CREBBP: variants seen among roughly 807,000 people sequenced by gnomAD.
CREBBP encodes the protein CREB binding lysine acetyltransferase, also known as CREB-binding protein.
Under a neutral mutation model 265.0 loss-of-function variants are expected in CREBBP, and 19 were observed. The ratio of observed to expected loss-of-function variants is 0.07; its 90% CI spans 0.05 to 0.11. The LOEUF (loss-of-function observed/expected upper bound fraction) is 0.11, where lower values mean the gene tolerates loss of function less well. Among genes scored for constraint, CREBBP ranks in the 10% least tolerant of loss-of-function variants. CREBBP has a pLI of 1.00. For missense variants in CREBBP, 2,525 were observed against 3,219.0 expected (o/e 0.78, Z 5.22); for synonymous variants, 1,457 against 1,223.7 (o/e 1.19, Z -3.98).
rs3025693 is a variant in CREBBP, at chr16:3,768,062, G to T, written c.3061-153C>A. Among the ~76,000 whole-genome samples the T allele has an allele frequency of 0.023, 3,236 of 140,872 alleles. 129 individuals carry two copies. The highest frequency in any genetic ancestry group is 0.08 in the African/African-American group (3,076 of 38,460). 92.4% of individuals were successfully genotyped at this position (140,872 alleles called of 152,430 possible). A position where few individuals can be genotyped will look rare whatever the true frequency, so the allele number is the denominator to read the frequency against. On this transcript the variant is annotated intron_variant, in intron 15 of 30. Transcript: ENST00000262367. The stretch of plus-strand genomic sequence containing the variant: ...TGATTCCTCTTCTCTTCCGGAAGAA[G>T]AAATAAAGTACTTGGTGTTCATTAA...
chr16:3,747,448 T>C (rs1198771666), intron 21 of CREBBP, among the ~76,000 whole-genome samples: 1 of 152,176 alleles, frequency 6.6e-6, no homozygotes, highest in Non-Finnish European at 1.5e-5. Context: ...GTAAATGTCA[T>C]CTTGTCCAGG....
At chr16:3,854,638 C>G (rs2054921974) in intron 1 of CREBBP, among the ~76,000 whole-genome samples, 1 of 152,200 alleles carries the variant, frequency 6.6e-6, no homozygotes, top group Non-Finnish European at 1.5e-5. Context: ...ACACCAGATG[C>G]CCCCTACTTT....
intron 3 of CREBBP, among the ~76,000 whole-genome samples, chr16:3,809,412 G>T (rs1185963036): frequency 1.3e-5 from 2 of 152,134 alleles, no homozygotes; most frequent in Non-Finnish European, 2.9e-5. Context: ...TCCTGACCTA[G>T]TGATCCACCC....
At chr16:3,767,998 A>T in intron 15 of CREBBP, 89 bp from the exon 16 acceptor site, 1 of 1,311,322 alleles carries the variant, frequency 7.6e-7, no homozygotes, top group South Asian at 1.2e-5. Context: ...AGCCTAAAAC[A>T]GGTTTGTTAA....
chr16:3,814,033 T>G (rs2053986373), intron 2 of CREBBP, among the ~76,000 whole-genome samples: 1 of 152,176 alleles, frequency 6.6e-6, no homozygotes, highest in Non-Finnish European at 1.5e-5. Flanking sequence ...TTCAGAAAGT[T>G]TATTTCCAAA....
At chr16:3,751,545 T>A (rs578186352) in intron 20 of CREBBP, among the ~76,000 whole-genome samples, 181 bp downstream of exon 20, 20 of 152,306 alleles carry the variant, frequency 1.3e-4, no homozygotes, top group African/African-American at 4.6e-4. Context: ...TGAGTCGAGA[T>A]AGTGCCACTG....
chr16:3,738,556 C>T lies in CREBBP; in HGVS notation c.4394+3G>A, dbSNP rs2151333973. 4 of 1,567,684 alleles carry T rather than the reference C, an allele frequency of 2.6e-6. No homozygotes were observed. The highest frequency in any genetic ancestry group is 3.5e-6 in the Non-Finnish European group (4 of 1,137,810). ...AGTTCCAAATAATTTAATCCAAACT[C>T]ACCCTAATTTCTTCACATACTCTAA... On this transcript the variant is annotated splice_donor_region_variant and intron_variant, in intron 26 of 30. Coordinates refer to ENST00000262367, the MANE Select transcript of CREBBP (RefSeq NM_004380.3).
chr16:3,757,074 T>C (rs567968405), intron 19 of CREBBP, among the ~76,000 whole-genome samples: 44 of 152,198 alleles, frequency 2.9e-4, no homozygotes, highest in Non-Finnish European at 6.0e-4. Flanking sequence ...GGTTTCTCTA[T>C]GTCGCCAAGG....
rs1217572849 is a variant in CREBBP at position 3,738,643 on chromosome 16, A to G, written c.4310T>C (p.Ile1437Thr). 1 of 1,613,666 alleles carries G rather than the reference A, an allele frequency of 6.2e-7. No homozygotes were observed. Residue 1437 changes from isoleucine to threonine, a missense_variant, in exon 26 of 31, where the codon ATT becomes ACT. Physicochemically the swap from Ile to Thr is moderately conservative, Grantham distance 89 (BLOSUM62 -1). Coordinates refer to ENST00000262367, the MANE Select transcript of CREBBP (RefSeq NM_004380.3). The part of the protein sequence containing the change: ...RRVYISYLDS[I>T]HFFRPRCLRT... ...GAGGCAACGTGGCCGGAAGAAATGA[A>G]TACTATCCAGATAAGAAATGTACAC... is the stretch of plus-strand genomic sequence containing the variant.
intron 2 of CREBBP, among the ~76,000 whole-genome samples, chr16:3,823,622 G>A (rs1173882699): frequency 6.6e-6 from 1 of 152,108 alleles, no homozygotes; most frequent in Non-Finnish European, 1.5e-5. Context: ...GACATCCCAC[G>A]TTTGGCTCTT....
At chr16:3,768,090 C>T (rs1390643549) in intron 15 of CREBBP, among the ~76,000 whole-genome samples, 181 bp from the exon 16 acceptor site, 2 of 144,014 alleles carry the variant, frequency 1.4e-5, no homozygotes, top group East Asian at 2.1e-4. Context: ...TTCATTAAGT[C>T]GCTTCAGCAC....
chr16:3,734,105 C>G (rs2051989485), intron 28 of CREBBP, among the ~76,000 whole-genome samples: 1 of 152,176 alleles, frequency 6.6e-6, no homozygotes, highest in South Asian at 2.1e-4. Flanking sequence ...TTGCGACATT[C>G]CTCACGAAGC....
At chr16:3,803,398 G>C (rs950959968) in intron 3 of CREBBP, among the ~76,000 whole-genome samples, 2 of 151,364 alleles carry the variant, frequency 1.3e-5, no homozygotes, top group African/African-American at 2.4e-5. Flanking sequence ...CCAACTACTC[G>C]GAAGGCTGAG....
chr16:3,792,788 G>A (rs773623467), intron 4 of CREBBP, among the ~76,000 whole-genome samples: 3 of 152,220 alleles, frequency 2.0e-5, no homozygotes, highest in Admixed American at 6.5e-5. Flanking sequence ...CACTTCCTTC[G>A]GTAGAAATGA....
chr16:3,832,085 G>A (rs368536254), intron 2 of CREBBP, among the ~76,000 whole-genome samples: 2 of 151,746 alleles, frequency 1.3e-5, no homozygotes, highest in East Asian at 1.9e-4. Flanking sequence ...ACTTAAAATG[G>A]ATATATTACT....
chr16:3,821,837 C>CT (rs1255933852), intron 2 of CREBBP, among the ~76,000 whole-genome samples: 2 of 152,172 alleles, frequency 1.3e-5, no homozygotes, highest in African/African-American at 4.8e-5. Context: ...GGAGACCCGC[C>CT]TGGCCAATAT....
intron 2 of CREBBP, among the ~76,000 whole-genome samples, chr16:3,830,793 A>G (rs151281342): frequency 3.3e-5 from 5 of 152,220 alleles, no homozygotes; most frequent in African/African-American, 7.2e-5. Flanking sequence ...TACACATTCT[A>G]TTTTTATGAG....
chr16:3,783,839 C>T (rs772413423), intron 5 of CREBBP, among the ~76,000 whole-genome samples: 109 of 152,198 alleles, frequency 7.2e-4, no homozygotes, highest in Non-Finnish European at 1.3e-3. Context: ...AGCTCCATCC[C>T]AAAGGGCTTC....
In CREBBP at chr16:3,736,498, C is replaced by T. The variant is rs2052065217; in HGVS notation, c.4560+152G>A. On this transcript the variant is annotated intron_variant, in intron 27 of 30. Transcript: ENST00000262367. ...AAGCCTCAATCAGCTGAAGAAAATG[C>T]TTCTAAGTTCTCACTTTAGGCTTTT... 5 of 1,161,922 alleles carry T rather than the reference C, an allele frequency of 4.3e-6. No homozygotes were observed. In the South Asian group the frequency reaches 6.5e-5, roughly 15 times the overall value. 72.0% of individuals were successfully genotyped at this position (1,161,922 alleles called of 1,614,324 possible).
Sources: gnomAD v4.1 joint callset for allele counts (sites outside exome capture counted in the v4.1 genomes callset) on GRCh38, gnomAD v4.1.1 for gene constraint, MANE v1.5 for transcripts, NCBI Gene and HGNC (gene_info 2026-07-23, HGNC 2026-07-21) for gene names.